The following NHSL1 variants were observed in gnomAD, a reference collection of about 807,000 sequenced individuals.
NHSL1 encodes NHS-like protein 1.
In NHSL1, 48 loss-of-function variants were observed where a neutral mutation model predicts 95.0. The observed-to-expected ratio is 0.51, with a 90% confidence interval of 0.40 to 0.64. NHSL1 has a LOEUF of 0.64. Ranked by LOEUF, NHSL1 falls within the 30% of genes least tolerant of loss-of-function variation. NHSL1 has a pLI of 0.00. For missense variants in NHSL1, 1,971 were observed against 2,077.7 expected (o/e 0.95, Z 1.00); for synonymous variants, 783 against 833.9 (o/e 0.94, Z 1.05).
At chr6:138,486,487 G>T (rs1779738021) in intron 2 of NHSL1, among the ~76,000 whole-genome samples, 1 of 152,032 alleles carries the variant, frequency 6.6e-6, no homozygotes, top group African/African-American at 2.4e-5. Flanking sequence ...GCGCCATGAT[G>T]ACTGCCTCAT....
rs374372803 is a variant in NHSL1, at chr6:138,614,961, C to A, written c.96+77515G>T. On this transcript the variant is annotated intron_variant, in intron 1 of 3. Transcript: ENST00000491526. ...CCAGGTCTGTGGGAAAATTGTCTTC[C>A]AAGAAACTGGTCCCTGGTGCCAAAA... Among the ~76,000 whole-genome samples, 7 of 145,054 alleles carry A rather than the reference C, an allele frequency of 4.8e-5. No homozygotes were observed. In the East Asian group the frequency reaches 9.3e-4, roughly 19 times the overall value.
At chr6:138,528,363 T>C (rs1287618109) in intron 1 of NHSL1, among the ~76,000 whole-genome samples, 1 of 152,028 alleles carries the variant, frequency 6.6e-6, no homozygotes, top group African/African-American at 2.4e-5. Flanking sequence ...AAGGCAGATA[T>C]GAGTTGACAA....
intron 1 of NHSL1, among the ~76,000 whole-genome samples, chr6:138,624,646 T>C (rs977949882): frequency 3.9e-5 from 6 of 152,172 alleles, no homozygotes; most frequent in Admixed American, 3.3e-4. Context: ...GACACTCAGA[T>C]CACTGAGGCT....
At chr6:138,598,168 A>T (rs866010698) in intron 1 of NHSL1, among the ~76,000 whole-genome samples, 11 of 152,038 alleles carry the variant, frequency 7.2e-5, no homozygotes, top group Non-Finnish European at 1.3e-4. Context: ...ATAATTTTTT[A>T]AAAAATTAGG....
At chr6:138,467,240 C>T (rs1431525028) in intron 3 of NHSL1, among the ~76,000 whole-genome samples, 3 of 151,890 alleles carry the variant, frequency 2.0e-5, no homozygotes, top group African/African-American at 7.2e-5. Context: ...GCCGGCTCCG[C>T]CCCCCGGGTT....
intron 7 of NHSL1, among the ~76,000 whole-genome samples, chr6:138,428,569 G>A (rs1460740846): frequency 6.6e-6 from 1 of 152,222 alleles, no homozygotes; most frequent in African/African-American, 2.4e-5. Context: ...CGTAAAGAGC[G>A]TAATTCTTGA....
intron 1 of NHSL1, among the ~76,000 whole-genome samples, chr6:138,568,144 CAGTT>C (rs1783689666): frequency 6.6e-6 from 1 of 152,220 alleles, no homozygotes; most frequent in South Asian, 2.1e-4. Flanking sequence ...TAAATGCTAA[CAGTT>C]AGAAGACCAT....
At chr6:138,530,310 A>C (rs1562351861) in intron 1 of NHSL1, among the ~76,000 whole-genome samples, 2 of 152,208 alleles carry the variant, frequency 1.3e-5, no homozygotes, top group Admixed American at 6.5e-5. Flanking sequence ...AAAAGGGAAC[A>C]CTTTCACACT....
chr6:138,606,871 T>G (rs1784441633), intron 1 of NHSL1, among the ~76,000 whole-genome samples: 1 of 151,642 alleles, frequency 6.6e-6, no homozygotes, highest in Non-Finnish European at 1.5e-5. Flanking sequence ...CCTGGCTAAT[T>G]TTTTTGTATT....
At chr6:138,482,350 G>T (rs1033819348) in intron 2 of NHSL1, among the ~76,000 whole-genome samples, 2 of 151,796 alleles carry the variant, frequency 1.3e-5, no homozygotes, top group African/African-American at 4.8e-5. Flanking sequence ...GGAGGCTGAG[G>T]CAGGAGAATT....
chr6:138,508,595 T>C (rs1334707143), intron 1 of NHSL1, among the ~76,000 whole-genome samples: 1 of 151,980 alleles, frequency 6.6e-6, no homozygotes, highest in Non-Finnish European at 1.5e-5. Flanking sequence ...CTGCCTTCAG[T>C]AAGGGCCAGT....
chr6:138,501,998 T>C (rs141287285), upstream of NHSL1, among the ~76,000 whole-genome samples: 193 of 152,314 alleles, frequency 1.3e-3, 2 homozygotes, highest in African/African-American at 4.4e-3. Context: ...TGTTCCATGG[T>C]TGCTTGAATC....
At chr6:138,589,000 C>G (rs566144122) in intron 1 of NHSL1, among the ~76,000 whole-genome samples, 7 of 152,258 alleles carry the variant, frequency 4.6e-5, no homozygotes, top group Middle Eastern at 3.4e-3. Context: ...GGTGGCAGAA[C>G]AGAACAACCC....
At chr6:138,660,792 C>CAA (rs1175314557) in intron 1 of NHSL1, among the ~76,000 whole-genome samples, 13 of 82,438 alleles carry the variant, frequency 1.6e-4, no homozygotes, top group Non-Finnish European at 1.8e-4. Context: ...CCTGTCTCTA[C>CAA]AAAAAAAAAA....
upstream of NHSL1, among the ~76,000 whole-genome samples, chr6:138,500,420 AGAG>A (rs749584313): frequency 6.7e-4 from 102 of 152,322 alleles, no homozygotes; most frequent in African/African-American, 2.3e-3. Context: ...ATAGGAAAAA[AGAG>A]GAGAATATAG....
intron 1 of NHSL1, among the ~76,000 whole-genome samples, chr6:138,659,100 A>G (rs143880141): frequency 0.049 from 6,401 of 130,266 alleles, 195 homozygotes; most frequent in Admixed American, 0.082. Flanking sequence ...CCCAGGCTGG[A>G]GTGTAGTGGC....
intron 1 of NHSL1, among the ~76,000 whole-genome samples, chr6:138,659,412 A>G (rs1286946901): frequency 2.0e-5 from 3 of 152,104 alleles, no homozygotes; most frequent in Non-Finnish European, 4.4e-5. Context: ...ACTACTGAAC[A>G]TATTTTGAAA....
chr6:138,493,032 T>A (rs575611138), intron 2 of NHSL1, among the ~76,000 whole-genome samples: 1 of 152,276 alleles, frequency 6.6e-6, no homozygotes, highest in African/African-American at 2.4e-5. Flanking sequence ...AATAAATACC[T>A]TGCACTCATG....
chr6:138,563,116 C>A (rs1783476047), intron 1 of NHSL1, among the ~76,000 whole-genome samples: 1 of 152,170 alleles, frequency 6.6e-6, no homozygotes, highest in African/African-American at 2.4e-5. Context: ...TTTCTCTGCC[C>A]AGTTTTCAGT....
Sources: allele counts gnomAD v4.1 joint callset (sites outside exome capture counted in the v4.1 genomes callset), GRCh38; gene constraint gnomAD v4.1.1; transcripts MANE v1.5; gene names NCBI Gene and HGNC (gene_info 2026-07-23, HGNC 2026-07-21).